TRIM37: variants seen among roughly 807,000 people sequenced by gnomAD.
TRIM37 encodes tripartite motif containing 37, also known as E3 ubiquitin-protein ligase TRIM37.
TRIM37 carries 80 observed loss-of-function variants against 129.8 expected under a neutral mutation model. That is an observed-to-expected ratio of 0.62 (90% CI 0.51 to 0.74). TRIM37 has a LOEUF of 0.74. Among genes scored for constraint, TRIM37 ranks in the 30% least tolerant of loss-of-function variants. The probability of loss-of-function intolerance (pLI) is 0.00; values close to 1 mark genes in which losing one functional copy is unlikely to be tolerated. For synonymous variants in TRIM37, 389 were observed against 387.1 expected (o/e 1.00, Z -0.06); for missense variants, 1,054 against 1,176.5 (o/e 0.90, Z 1.52).
chr17:59,032,028 C>A lies in TRIM37; in HGVS notation c.1816G>T (p.Ala606Ser). 3 of 1,614,068 alleles carry A rather than the reference C, an allele frequency of 1.9e-6. No individual in the cohort carries two copies. Among genetic ancestry groups the A allele is most frequent in the Non-Finnish European group, 2.5e-6 (3 of 1,180,002 alleles). The change falls in exon 18 of 24, where the codon GCT becomes TCT. Residue 606 changes from alanine to serine, a missense_variant. Physicochemically the swap from Ala to Ser is moderately conservative, Grantham distance 99. This residue lies in a region of TRIM37 where 752 missense variants were observed against 870.8 expected (regional missense o/e 0.86). Coordinates refer to ENST00000262294, the MANE Select transcript of TRIM37 (RefSeq NM_015294.6). ...ATGTCTAGTAAACTACTGGTAGCAG[C>A]GGAGCATAAATGTGTTCTTCTTGAT... ...RISRRTHLCS[A>S]ATSSLLDIDP...
chr17:58,972,190 T>G, the TRIM37 span: 1 of 1,614,126 alleles, frequency 6.2e-7, no homozygotes, highest in Non-Finnish European at 8.5e-7. Flanking sequence ...ATGCTACATG[T>G]GGCCTGGGTG....
intron 19 of TRIM37, among the ~76,000 whole-genome samples, chr17:59,020,177 G>C (rs996996118): frequency 2.4e-5 from 3 of 125,808 alleles, no homozygotes; most frequent in Non-Finnish European, 4.7e-5. Flanking sequence ...GTTGCAGTGA[G>C]CCAAGATCAC....
rs766715231 is a variant in TRIM37 at position 59,017,314 on chromosome 17, A to G, written c.2368T>C (p.Cys790Arg). Residue 790 changes from cysteine (C) to arginine (R), a missense_variant, in exon 20 of 24, where the codon TGT (cysteine) becomes CGT (arginine). Coordinates refer to ENST00000262294, the MANE Select transcript of TRIM37 (RefSeq NM_015294.6). The part of the protein sequence containing the change: ...PGENSRSKGD[C>R]QTLSEGSPGS... The stretch of plus-strand genomic sequence containing the variant: ...AATTTACCTTCAGACAGAGTCTGAC[A>G]GTCTCCCTTTGAACGACTATTTTCT... 2 of 1,614,180 alleles carry G rather than the reference A, an allele frequency of 1.2e-6. No homozygotes were observed. Among genetic ancestry groups the G allele is most frequent in the Admixed American group, 1.7e-5 (1 of 60,022 alleles).
At chr17:59,086,484 C>T (rs2147171921) in intron 4 of TRIM37, among the ~76,000 whole-genome samples, 1 of 152,212 alleles carries the variant, frequency 6.6e-6, no homozygotes, top group African/African-American at 2.4e-5. Context: ...GGTGATCCAC[C>T]CACCCCGGCC....
the TRIM37 span, among the ~76,000 whole-genome samples, chr17:58,974,012 C>T: frequency 2.0e-5 from 3 of 148,748 alleles, no homozygotes; most frequent in Non-Finnish European, 4.4e-5. Context: ...GCCTGTAGTC[C>T]TAGTACACAG....
chr17:59,078,203 C>A (rs189246094), intron 7 of TRIM37, among the ~76,000 whole-genome samples: 28 of 152,180 alleles, frequency 1.8e-4, no homozygotes, highest in East Asian at 1.3e-3. Context: ...TAAGACTATT[C>A]TAAAGATAAA....
chr17:59,066,457 T>C (rs933017868), intron 9 of TRIM37, among the ~76,000 whole-genome samples: 1 of 152,252 alleles, frequency 6.6e-6, no homozygotes, highest in African/African-American at 2.4e-5. Context: ...ATCATTATCA[T>C]ATTTTATTGG....
downstream of TRIM37, among the ~76,000 whole-genome samples, chr17:58,994,344 T>A (rs988993940): frequency 1.3e-5 from 2 of 152,166 alleles, no homozygotes; most frequent in Non-Finnish European, 2.9e-5. Flanking sequence ...AATTTATTTT[T>A]AAAAAATAAT....
intron 17 of TRIM37, among the ~76,000 whole-genome samples, chr17:59,035,675 A>AG (rs1758143403): frequency 6.6e-6 from 1 of 152,018 alleles, no homozygotes; most frequent in African/African-American, 2.4e-5. Flanking sequence ...TGAACCCAGG[A>AG]GGCAGAGGTT....
chr17:59,040,623 G>C (rs2039036654), intron 17 of TRIM37, among the ~76,000 whole-genome samples: 1 of 152,162 alleles, frequency 6.6e-6, no homozygotes. Flanking sequence ...CATATAGACA[G>C]TAACTGAAAT....
At chr17:59,024,647 C>T (rs1248338581) in intron 19 of TRIM37, among the ~76,000 whole-genome samples, 3 of 152,214 alleles carry the variant, frequency 2.0e-5, no homozygotes, top group Non-Finnish European at 2.9e-5. Context: ...CCACCTCAGC[C>T]TCCCAAGTAG....
At chr17:58,986,419 G>A (rs563140121) in intron 24 of TRIM37, among the ~76,000 whole-genome samples, 2 of 151,154 alleles carry the variant, frequency 1.3e-5, no homozygotes, top group East Asian at 1.9e-4. Flanking sequence ...GGCTGGTCTC[G>A]AACTCCTGAC....
chr17:58,967,945 A>C, the TRIM37 span, among the ~76,000 whole-genome samples: 5 of 152,056 alleles, frequency 3.3e-5, no homozygotes, highest in African/African-American at 1.2e-4. Context: ...CTGGGAGTAC[A>C]GGCGCGTGCC....
At chr17:59,018,889 A>G (rs1383511949) in intron 19 of TRIM37, among the ~76,000 whole-genome samples, 1 of 152,214 alleles carries the variant, frequency 6.6e-6, no homozygotes, top group Admixed American at 6.5e-5. Flanking sequence ...ACACATATAT[A>G]TCATCAAAAC....
chr17:58,992,267 A>AT (rs2032496849), intron 24 of TRIM37, among the ~76,000 whole-genome samples: 1 of 144,574 alleles, frequency 6.9e-6, no homozygotes, highest in Non-Finnish European at 1.5e-5. Flanking sequence ...ATATAAATAT[A>AT]AATATATATA....
chr17:58,982,865 C>CT, exon 25 of TRIM37: 1 of 1,548,408 alleles, frequency 6.5e-7, no homozygotes, highest in Non-Finnish European at 8.8e-7. Flanking sequence ...CTGTCACCTT[C>CT]TGAAGCCTAG....
At position 59,042,447 on chromosome 17, in the gene TRIM37, AAAATATAT is replaced by A. The variant is rs1323855411; in HGVS notation, c.1668-557_1668-550del. On this transcript the variant is annotated intron_variant, in intron 16 of 23. Transcript: ENST00000262294. Reference sequence around the variant, plus strand: ...AAAGGAATTTAAAAAAAAAAAAAAAAAAATATATATATATATATATATATATATCTCAA... The same window carrying A: ...AAAGGAATTTAAAAAAAAAAAAAAAAATATATATATATATATATATCTCAA... Among the ~76,000 whole-genome samples the A allele has an allele frequency of 1.0e-4, 4 of 38,986 alleles. 1 individual carries two copies. Among genetic ancestry groups the A allele is most frequent in the Admixed American group, 4.0e-4 (1 of 2,512 alleles). 25.6% of individuals were successfully genotyped at this position (38,986 alleles called of 152,430 possible). A position where few individuals can be genotyped will look rare whatever the true frequency, so the allele number is the denominator to read the frequency against.
intron 18 of TRIM37, among the ~76,000 whole-genome samples, chr17:59,031,202 A>G (rs1413796029): frequency 6.6e-6 from 1 of 152,216 alleles, no homozygotes; most frequent in African/African-American, 2.4e-5. Context: ...CAGAGTTCTA[A>G]ATCATTGATT....
At chr17:59,020,322 T>A (rs1462801432) in intron 19 of TRIM37, among the ~76,000 whole-genome samples, 1 of 125,812 alleles carries the variant, frequency 7.9e-6, no homozygotes, top group African/African-American at 3.0e-5. Context: ...ATGAAATAAA[T>A]CTAAGAACTT....
Sources: allele counts gnomAD v4.1 joint callset (sites outside exome capture counted in the v4.1 genomes callset), GRCh38; gene constraint gnomAD v4.1.1; regional missense constraint gnomAD v4.1.1; transcripts MANE v1.5; gene names NCBI Gene and HGNC (gene_info 2026-07-23, HGNC 2026-07-21).